Variants in SLC15A5 observed in about 807,000 individuals in gnomAD.
SLC15A5 encodes Peptide/histidine transporter ENSP00000340402.
A neutral mutation model predicts 56.1 loss-of-function variants in SLC15A5; 58 were observed. The ratio of observed to expected loss-of-function variants is 1.03; its 90% confidence interval spans 0.84 to 1.29. The LOEUF is 1.29. SLC15A5 is among the 50% of genes most tolerant of loss of function. The pLI, the probability that SLC15A5 is intolerant of heterozygous loss-of-function variation, is 0.00. For missense variants in SLC15A5, 681 were observed against 672.1 expected (o/e 1.01, Z -0.15); for synonymous variants, 264 against 250.5 (o/e 1.05, Z -0.51).
intron 5 of SLC15A5, among the ~76,000 whole-genome samples, chr12:16,234,270 C>T (rs563602550): frequency 6.6e-6 from 1 of 152,216 alleles, no homozygotes; most frequent in African/African-American, 2.4e-5. Flanking sequence ...CAACACCTCC[C>T]AATACTGTTG....
chr12:16,260,999 T>C (rs939990091), intron 2 of SLC15A5, among the ~76,000 whole-genome samples: 4 of 152,190 alleles, frequency 2.6e-5, no homozygotes, highest in African/African-American at 9.7e-5. Context: ...TCCACTAATC[T>C]ATCCTTATGC....
In SLC15A5 at chr12:16,271,191, TTTCA is replaced by T. The variant is rs1864751176; in HGVS notation, c.584+1366_584+1369del. On this transcript the variant is annotated intron_variant, in intron 2 of 8. Transcript: ENST00000344941. This position sits in a 1 kb window ranked among gnomAD's most constrained non-coding sequence, Gnocchi z 8.0. ...TCCCCTCTGTTTCCCAAAGGAAATA[TTTCA>T]TTCATATAATGTCTCCTTTGTAATC... is the stretch of plus-strand genomic sequence containing the variant. 6.6e-6 allele frequency among the ~76,000 whole-genome samples: 1 copy of T among 152,126 alleles called. No homozygotes were observed. The highest frequency in any genetic ancestry group is 1.5e-5 in the Non-Finnish European group (1 of 68,038).
intron 2 of SLC15A5, among the ~76,000 whole-genome samples, chr12:16,259,923 C>G (rs1864627021): frequency 6.6e-6 from 1 of 150,866 alleles, no homozygotes; most frequent in Non-Finnish European, 1.5e-5. Flanking sequence ...TAGAGCACTT[C>G]CAGTTTCTGC....
At chr12:16,265,529 A>G (rs974652121) in intron 2 of SLC15A5, among the ~76,000 whole-genome samples, 2 of 152,082 alleles carry the variant, frequency 1.3e-5, no homozygotes, top group Non-Finnish European at 1.5e-5. Context: ...ACTAGGCTGG[A>G]GTACAGTAGC....
intron 7 of SLC15A5, among the ~76,000 whole-genome samples, chr12:16,208,831 A>G (rs1292735126): frequency 6.6e-6 from 1 of 152,228 alleles, no homozygotes; most frequent in Non-Finnish European, 1.5e-5. Flanking sequence ...TATGTCCTCA[A>G]TATTGCATAG....
At chr12:16,225,780 T>A (rs1015497367) in intron 5 of SLC15A5, among the ~76,000 whole-genome samples, 2 of 152,156 alleles carry the variant, frequency 1.3e-5, no homozygotes, top group East Asian at 1.9e-4. Context: ...AGAATGGTGA[T>A]CATTAAAAAG....
intron 7 of SLC15A5, among the ~76,000 whole-genome samples, chr12:16,209,757 T>G (rs1359010860): frequency 6.6e-6 from 1 of 152,190 alleles, no homozygotes; most frequent in Non-Finnish European, 1.5e-5. Flanking sequence ...ACATCTAAAA[T>G]ATAGCTTATA....
At chr12:16,214,436 G>A (rs1375997603) in intron 7 of SLC15A5, among the ~76,000 whole-genome samples, 2 of 152,164 alleles carry the variant, frequency 1.3e-5, no homozygotes, top group Non-Finnish European at 2.9e-5. Flanking sequence ...CAGATGACCC[G>A]GAATGGAGAG....
At chr12:16,250,928 C>A (rs1474011304) in intron 3 of SLC15A5, among the ~76,000 whole-genome samples, 1 of 151,694 alleles carries the variant, frequency 6.6e-6, no homozygotes, top group African/African-American at 2.4e-5. Flanking sequence ...ACATGGAAAA[C>A]CCTGTGCATA....
intron 2 of SLC15A5, among the ~76,000 whole-genome samples, chr12:16,266,586 A>G (rs757387426): frequency 6.6e-6 from 1 of 152,192 alleles, no homozygotes. Context: ...CATGTTTTAT[A>G]TATGTCTTTG....
At chr12:16,201,864 A>G (rs920070694) in intron 7 of SLC15A5, among the ~76,000 whole-genome samples, 22 of 152,274 alleles carry the variant, frequency 1.4e-4, no homozygotes, top group Non-Finnish European at 7.4e-5. Context: ...CAAAGGAGAA[A>G]GTACAGTCTC....
intron 7 of SLC15A5, among the ~76,000 whole-genome samples, chr12:16,200,136 G>A (rs2136239544): frequency 6.6e-6 from 1 of 151,654 alleles, no homozygotes; most frequent in Non-Finnish European, 1.5e-5. Flanking sequence ...TGTTATAAAT[G>A]TTGCTTACAG....
Position 16,272,624 on chromosome 12 carries a change from C to T in SLC15A5, c.521G>A (p.Cys174Tyr). The T allele has an allele frequency of 1.3e-6, 2 of 1,536,982 alleles. No homozygotes were observed. Among genetic ancestry groups the T allele is most frequent in the Non-Finnish European group, 1.7e-6 (2 of 1,146,690 alleles). The change falls in exon 2 of 9, where the codon TGT becomes TAT. Residue 174 changes from cysteine (C) to tyrosine (Y), a missense_variant. Transcript: ENST00000344941. The part of the protein sequence containing the change: ...LGIGGVRAIV[C>Y]PLGAFGLQEY... ...CTGAAGGCCAAAAGCACCCAGTGGA[C>T]AGACGATGGCTCTTACGCCTCCAAT...
chr12:16,240,832 A>T lies in SLC15A5; in HGVS notation c.976-965T>A, dbSNP rs538413928. On this transcript the variant is annotated intron_variant, in intron 4 of 8. Transcript: ENST00000344941. ...ATCTTTTTTATTTTTATTTTTTTTG[A>T]GACAGAGTCTCGCTCTGTCACCCAG... 5.3e-5 allele frequency among the ~76,000 whole-genome samples: 8 copies of T among 151,286 alleles called. No individual in the cohort carries two copies. The South Asian group carries it at 1.7e-3, about 32-fold the overall frequency.
chr12:16,260,283 C>A (rs767552556), intron 2 of SLC15A5, among the ~76,000 whole-genome samples: 1 of 152,078 alleles, frequency 6.6e-6, no homozygotes, highest in Non-Finnish European at 1.5e-5. Flanking sequence ...TTCCATAGCC[C>A]CACTGATAAC....
intron 2 of SLC15A5, 84 bp from the exon 3 acceptor site, chr12:16,257,954 T>C (rs1000741355): frequency 8.4e-6 from 10 of 1,190,910 alleles, no homozygotes; most frequent in African/African-American, 3.2e-5. Flanking sequence ...TCTAATCAAA[T>C]GTAAACTACC....
chr12:16,216,287 G>A (rs1864129302), intron 7 of SLC15A5, among the ~76,000 whole-genome samples: 1 of 152,150 alleles, frequency 6.6e-6, no homozygotes. Context: ...CTGTCTGGCT[G>A]TTGTTTTTAC....
chr12:16,269,505 T>C lies in SLC15A5; in HGVS notation c.584+3056A>G, dbSNP rs578184449. Among the ~76,000 whole-genome samples, 116 of 152,328 alleles carry C rather than the reference T, an allele frequency of 7.6e-4. No individual in the cohort carries two copies. The highest frequency in any genetic ancestry group is 2.7e-3 in the African/African-American group (112 of 41,574). On this transcript the variant is annotated intron_variant, in intron 2 of 8. Coordinates refer to ENST00000344941, the MANE Select transcript of SLC15A5 (RefSeq NM_001170798.1). The surrounding 1 kb of genome is among the most constrained non-coding windows in gnomAD (Gnocchi z 4.7). ...TGACAATCATTGTTCTCAATGTTCT[T>C]GTGAATATTAAAATAGATTCTGGAA... is the stretch of plus-strand genomic sequence containing the variant.
At chr12:16,199,928 G>A (rs1863936015) in intron 7 of SLC15A5, among the ~76,000 whole-genome samples, 1 of 151,916 alleles carries the variant, frequency 6.6e-6, no homozygotes, top group East Asian at 1.9e-4. Flanking sequence ...CAGAGTGTTA[G>A]AAAACCTAAA....
Sources: allele counts gnomAD v4.1 joint callset (sites outside exome capture counted in the v4.1 genomes callset), GRCh38; gene constraint gnomAD v4.1.1; non-coding constraint Gnocchi (gnomAD v3.1); transcripts MANE v1.5; gene names NCBI Gene and HGNC (gene_info 2026-07-23, HGNC 2026-07-21).